Variants in ADGRA3 observed in about 807,000 individuals in gnomAD.
ADGRA3 encodes G-protein coupled receptor 125.
Under a neutral mutation model 119.8 loss-of-function variants are expected in ADGRA3, and 56 were observed. That is an observed-to-expected ratio of 0.47 (90% CI 0.38 to 0.58). The LOEUF (loss-of-function observed/expected upper bound fraction) is 0.58. Ranked by LOEUF, ADGRA3 falls within the 20% of genes least tolerant of loss-of-function variation. The pLI is 0.00. For synonymous variants in ADGRA3, 607 were observed against 623.8 expected (o/e 0.97, Z 0.40); for missense variants, 1,516 against 1,649.0 (o/e 0.92, Z 1.40).
In ADGRA3 at chr4:22,446,477, G is replaced by C. The variant is rs146586278; in HGVS notation, c.545+963C>G. Reference sequence around the variant, plus strand: ...TGTTTCTGCTCAAAGGTAGTCTTCTGGATAAGAATGGTAAGGGTGCCAAAA... The same window carrying C: ...TGTTTCTGCTCAAAGGTAGTCTTCTCGATAAGAATGGTAAGGGTGCCAAAA... On this transcript the variant is annotated intron_variant, in intron 5 of 18. Coordinates refer to ENST00000334304, the MANE Select transcript of ADGRA3 (RefSeq NM_145290.4). Among the ~76,000 whole-genome samples, 350 of 152,228 alleles carry C rather than the reference G, an allele frequency of 2.3e-3. 1 individual carries two copies. The highest frequency in any genetic ancestry group is 7.8e-3 in the African/African-American group (325 of 41,544).
At chr4:22,405,923 C>G (rs574774923) in intron 14 of ADGRA3, among the ~76,000 whole-genome samples, 3 of 152,280 alleles carry the variant, frequency 2.0e-5, no homozygotes, top group African/African-American at 4.8e-5. Context: ...TCCATCTGTA[C>G]TTGGTTGTAC....
chr4:22,402,259 TATAAA>T (rs1714696730), intron 15 of ADGRA3, among the ~76,000 whole-genome samples: 1 of 152,136 alleles, frequency 6.6e-6, no homozygotes, highest in Non-Finnish European at 1.5e-5. Context: ...AAATGTCATC[TATAAA>T]ATAAAGAATA....
At chr4:22,445,312 A>G (rs1027023143) in intron 5 of ADGRA3, among the ~76,000 whole-genome samples, 179 bp from the exon 6 acceptor site, 8 of 152,116 alleles carry the variant, frequency 5.3e-5, no homozygotes, top group African/African-American at 1.4e-4. Context: ...AGAGTGTTGG[A>G]CCCCAACACT....
At chr4:22,409,398 A>G (rs1715093678) in intron 14 of ADGRA3, among the ~76,000 whole-genome samples, 1 of 152,214 alleles carries the variant, frequency 6.6e-6, no homozygotes, top group African/African-American at 2.4e-5. Context: ...GGAAACTCGT[A>G]TATTGAGAGG....
chr4:22,428,559 G>A (rs1168475426), intron 10 of ADGRA3, among the ~76,000 whole-genome samples: 1 of 152,116 alleles, frequency 6.6e-6, no homozygotes, highest in Non-Finnish European at 1.5e-5. Context: ...CAATGGTTTT[G>A]GAGATGACAA....
rs200917973 is a variant in ADGRA3, at chr4:22,463,962, TG to T, written c.330-2155del. 7.3e-3 allele frequency among the ~76,000 whole-genome samples: 1,106 copies of T among 152,274 alleles called. 17 individuals are homozygous for T. The highest frequency in any genetic ancestry group is 0.025 in the African/African-American group (1,041 of 41,558). ...CAACCTGTGAATCCTGGGATCACTG[TG>T]ACCTCCAGCAAATTCTATGGTCTTT... On this transcript the variant is annotated intron_variant, in intron 2 of 18. Transcript: ENST00000334304.
intron 1 of ADGRA3, chr4:22,514,712 C>G (rs1333003354): frequency 6.6e-6 from 1 of 152,186 alleles, no homozygotes; most frequent in African/African-American, 2.4e-5. Flanking sequence ...AAAACAAACT[C>G]GACAGTCACT....
chr4:22,419,771 T>G (rs1715575270), intron 12 of ADGRA3, among the ~76,000 whole-genome samples: 1 of 150,154 alleles, frequency 6.7e-6, no homozygotes, highest in South Asian at 2.1e-4. Context: ...TGTTTTGTTT[T>G]GTTTTTTTCC....
At chr4:22,418,682 A>G (rs994761766) in intron 12 of ADGRA3, among the ~76,000 whole-genome samples, 2 of 152,130 alleles carry the variant, frequency 1.3e-5, no homozygotes, top group African/African-American at 2.4e-5. Flanking sequence ...CACAAGGTCA[A>G]TTTCCATTTG....
At chr4:22,467,044 T>A (rs778144903) in intron 2 of ADGRA3, among the ~76,000 whole-genome samples, 1 of 152,226 alleles carries the variant, frequency 6.6e-6, no homozygotes, top group African/African-American at 2.4e-5. Context: ...ATCTCATTAC[T>A]AATCATTTCC....
chr4:22,418,383 G>A (rs928164583), intron 12 of ADGRA3, among the ~76,000 whole-genome samples: 8 of 152,190 alleles, frequency 5.3e-5, no homozygotes, highest in African/African-American at 1.9e-4. Flanking sequence ...GGAGACAAGG[G>A]TGGGAGTGGA....
In ADGRA3 at chr4:22,402,836, T is replaced by C. The variant is rs375922271; in HGVS notation, c.2233-37A>G. On this transcript the variant is annotated intron_variant, in intron 14 of 18. Coordinates refer to ENST00000334304, the MANE Select transcript of ADGRA3 (RefSeq NM_145290.4). The stretch of plus-strand genomic sequence containing the variant: ...AAGAAAGATCCATTCTAGCAGTACT[T>C]CTCTCCACATTTAACTACTGAGATT... The C allele has an allele frequency of 1.2e-5, 19 of 1,580,122 alleles. No homozygotes were observed. The African/African-American group carries it at 2.2e-4, about 18-fold the overall frequency.
intron 10 of ADGRA3, among the ~76,000 whole-genome samples, chr4:22,433,791 A>G (rs1716280709): frequency 6.6e-6 from 1 of 152,204 alleles, no homozygotes; most frequent in African/African-American, 2.4e-5. Context: ...CATCTTAAGC[A>G]ACAATGGAGC....
chr4:22,487,970 G>C (rs1032858505), intron 1 of ADGRA3, among the ~76,000 whole-genome samples: 1 of 151,990 alleles, frequency 6.6e-6, no homozygotes, highest in African/African-American at 2.4e-5. Flanking sequence ...GGATGTTGGG[G>C]TGCCGGATGT....
intron 10 of ADGRA3, among the ~76,000 whole-genome samples, chr4:22,434,560 T>C: frequency 6.6e-6 from 1 of 152,202 alleles, no homozygotes; most frequent in Non-Finnish European, 1.5e-5. Flanking sequence ...CCTCTACCTC[T>C]ATAATTAATT....
At chr4:22,495,794 A>G (rs987008959) in intron 1 of ADGRA3, among the ~76,000 whole-genome samples, 17 of 152,258 alleles carry the variant, frequency 1.1e-4, no homozygotes, top group Non-Finnish European at 2.2e-4. Flanking sequence ...CTGTAGTCCC[A>G]GCTACTCAGG....
intron 1 of ADGRA3, among the ~76,000 whole-genome samples, chr4:22,483,004 G>C (rs1434131211): frequency 6.6e-6 from 1 of 152,182 alleles, no homozygotes; most frequent in Non-Finnish European, 1.5e-5. Flanking sequence ...GTGGTAGCGG[G>C]GCTCTGCATT....
chr4:22,445,276 A>G, intron 5 of ADGRA3, 143 bp from the exon 6 acceptor site: 1 of 708,494 alleles, frequency 1.4e-6, no homozygotes, highest in East Asian at 2.7e-5. Context: ...AACTAGCTAC[A>G]GTTTCTCTCC....
intron 13 of ADGRA3, 102 bp from the exon 14 acceptor site, chr4:22,413,492 C>A: frequency 7.3e-7 from 1 of 1,363,894 alleles, no homozygotes; most frequent in Admixed American, 1.8e-5. Flanking sequence ...TCTTTCTTCA[C>A]TAGTGACTCA....
Sources: gnomAD v4.1 joint callset for allele counts (sites outside exome capture counted in the v4.1 genomes callset) on GRCh38, gnomAD v4.1.1 for gene constraint, MANE v1.5 for transcripts, NCBI Gene and HGNC (gene_info 2026-07-23, HGNC 2026-07-21) for gene names.